Variants in SAMD12 observed in about 807,000 individuals in gnomAD.
SAMD12 encodes the protein sterile alpha motif domain containing 12, also known as sterile alpha motif domain-containing protein 12.
Under a neutral mutation model 15.0 loss-of-function variants are expected in SAMD12, and 9 were observed. The ratio of observed to expected loss-of-function variants is 0.60; its 90% CI spans 0.36 to 1.05. The LOEUF (loss-of-function observed/expected upper bound fraction) is 1.05, where lower values mean the gene tolerates loss of function less well. SAMD12 is among the 50% of genes least tolerant of loss of function. The pLI is 0.01. For missense variants in SAMD12, 230 were observed against 234.2 expected, an observed-to-expected ratio of 0.98 and a Z score of 0.12; for synonymous variants, 86 against 90.1, an observed-to-expected ratio of 0.96 and a Z score of 0.25.
At chr8:118,133,541 C>G in the SAMD12 span, among the ~76,000 whole-genome samples, 5 of 152,150 alleles carry the variant, frequency 3.3e-5, no homozygotes, top group African/African-American at 1.2e-4. Context: ...AGGCAACACT[C>G]TCTTCATATA....
At chr8:118,464,910 A>G (rs1448444474) in intron 2 of SAMD12, among the ~76,000 whole-genome samples, 1 of 152,206 alleles carries the variant, frequency 6.6e-6, no homozygotes, top group Non-Finnish European at 1.5e-5. Flanking sequence ...GACTGCAAAC[A>G]TAAATTAATA....
chr8:118,376,695 G>A (rs1819403756), downstream of SAMD12, among the ~76,000 whole-genome samples: 1 of 152,110 alleles, frequency 6.6e-6, no homozygotes, highest in Admixed American at 6.6e-5. Flanking sequence ...CCATCTCTAT[G>A]GATAAGAACT....
At position 118,486,150 on chromosome 8, in the gene SAMD12, C is replaced by T. The variant is rs140889710; in HGVS notation, c.193-46189G>A. ...AGAGAGTAGGCTGGGGGTGGTGGCT[C>T]ACACCTGTAATCCCAGCACTTTGGG... is the stretch of plus-strand genomic sequence containing the variant. On this transcript the variant is annotated intron_variant, in intron 2 of 3. Transcript: ENST00000314727. Among the ~76,000 whole-genome samples the T allele has an allele frequency of 7.3e-3, 1,105 of 152,260 alleles. 9 individuals are homozygous for T. The highest frequency in any genetic ancestry group is 0.02 in the Middle Eastern group (6 of 294).
chr8:118,173,046 C>A, the SAMD12 span, among the ~76,000 whole-genome samples: 1 of 152,126 alleles, frequency 6.6e-6, no homozygotes, highest in Non-Finnish European at 1.5e-5. Flanking sequence ...GTGCCAGTTC[C>A]TAGGAATAGG....
In SAMD12 at chr8:118,447,715, T is replaced by TTTATTTA. The variant is rs1325821485; in HGVS notation, c.193-7761_193-7755dup. Among the ~76,000 whole-genome samples the TTTATTTA allele has an allele frequency of 5.8e-4, 83 of 144,264 alleles. 1 individual carries two copies. The highest frequency in any genetic ancestry group is 3.7e-3 in the Middle Eastern group (1 of 272). The allele number at this position is 144,264 out of a possible 152,430, so 94.6% of individuals were successfully genotyped here. A position where few individuals can be genotyped will look rare whatever the true frequency, so the allele number is the denominator to read the frequency against. On this transcript the variant is annotated intron_variant, in intron 2 of 3. Coordinates refer to ENST00000314727, the MANE Select transcript of SAMD12 (RefSeq NM_207506.3). ...ATTTTTTATTTTTAATATTTATTTA[T>TTTATTTA]TTATTTATTTATTTATTTATTTATT...
At chr8:118,524,538 C>T (rs1825481433) in intron 2 of SAMD12, among the ~76,000 whole-genome samples, 1 of 152,038 alleles carries the variant, frequency 6.6e-6, no homozygotes, top group Non-Finnish European at 1.5e-5. Context: ...CTTTAAATAC[C>T]ATTCATATGC....
chr8:118,226,480 T>C lies in SAMD12; in HGVS notation c.434-28748A>G, dbSNP rs111992944. The stretch of plus-strand genomic sequence containing the variant: ...ATCCTCCTTTGATAGCAAGCTGGCT[T>C]CTCGTATATTTCTTTAACACTCACC... On this transcript the variant is annotated intron_variant, in intron 4 of 4. Transcript: ENST00000409003. 1.3e-3 allele frequency among the ~76,000 whole-genome samples: 194 copies of C among 152,300 alleles called. 1 individual carries two copies. Among genetic ancestry groups the C allele is most frequent in the African/African-American group, 4.5e-3 (187 of 41,566 alleles).
chr8:118,351,461 C>T (rs1423726558), intron 4 of SAMD12, among the ~76,000 whole-genome samples: 1 of 152,080 alleles, frequency 6.6e-6, no homozygotes. Context: ...CAAGGTCCTA[C>T]AGTAGGGAGT....
chr8:118,148,396 TAAG>T, the SAMD12 span, among the ~76,000 whole-genome samples: 1 of 152,228 alleles, frequency 6.6e-6, no homozygotes, highest in African/African-American at 2.4e-5. Context: ...TCAGAAATAT[TAAG>T]TAGTTATTAG....
intron 4 of SAMD12, among the ~76,000 whole-genome samples, chr8:118,310,341 T>G (rs1021380544): frequency 6.6e-6 from 1 of 152,252 alleles, no homozygotes; most frequent in East Asian, 1.9e-4. Flanking sequence ...CTGTCTCTAG[T>G]GTGCCTTATT....
chr8:118,485,063 C>G (rs1454778170), intron 2 of SAMD12, among the ~76,000 whole-genome samples: 1 of 152,148 alleles, frequency 6.6e-6, no homozygotes, highest in Admixed American at 6.5e-5. Flanking sequence ...CAGTCCCAAG[C>G]CCTGGCTTTT....
intron 3 of SAMD12, among the ~76,000 whole-genome samples, chr8:118,417,713 C>T (rs1203576229): frequency 6.6e-6 from 1 of 152,030 alleles, no homozygotes; most frequent in Non-Finnish European, 1.5e-5. Context: ...AGAACACATG[C>T]AATGGAAAGA....
chr8:118,379,194 G>A lies in SAMD12; in HGVS notation c.*223C>T. On this transcript the variant is annotated 3_prime_UTR_variant, in exon 4 of 4. Coordinates refer to ENST00000314727, the MANE Select transcript of SAMD12 (RefSeq NM_207506.3). ...GCGCAGGTGAAGATAGCTACAGCTG[G>A]ACTGTACAGTTGTGCAGGCTGCACA... The A allele has an allele frequency of 7.5e-7, 1 of 1,329,314 alleles. No individual in the cohort carries two copies. Among genetic ancestry groups the A allele is most frequent in the Non-Finnish European group, 9.6e-7 (1 of 1,039,342 alleles). 82.3% of individuals were successfully genotyped at this position (1,329,314 alleles called of 1,614,324 possible).
At chr8:118,522,754 AT>A (rs1374503788) in intron 2 of SAMD12, among the ~76,000 whole-genome samples, 1 of 152,190 alleles carries the variant, frequency 6.6e-6, no homozygotes, top group Non-Finnish European at 1.5e-5. Flanking sequence ...GCAGTTTTTA[AT>A]TTCTTTTTTC....
intron 2 of SAMD12, among the ~76,000 whole-genome samples, chr8:118,526,187 C>T (rs1047428157): frequency 1.3e-5 from 2 of 152,054 alleles, no homozygotes; most frequent in Non-Finnish European, 2.9e-5. Context: ...AGCTGCTGAA[C>T]AACAACATGA....
chr8:118,414,973 T>A (rs926287795), intron 3 of SAMD12, among the ~76,000 whole-genome samples: 1 of 152,204 alleles, frequency 6.6e-6, no homozygotes, highest in Non-Finnish European at 1.5e-5. Flanking sequence ...TTTCAAAAGA[T>A]TGTGATTAGT....
At chr8:118,300,306 T>C (rs962859581) in intron 4 of SAMD12, among the ~76,000 whole-genome samples, 1 of 152,162 alleles carries the variant, frequency 6.6e-6, no homozygotes, top group Non-Finnish European at 1.5e-5. Flanking sequence ...CTCTCCCTAT[T>C]CCTCCCTTCT....
chr8:118,243,469 T>A lies in SAMD12; in HGVS notation c.434-45737A>T, dbSNP rs557031672. 4.0e-4 allele frequency among the ~76,000 whole-genome samples: 60 copies of A among 151,766 alleles called. No individual in the cohort carries two copies. In the Middle Eastern group the frequency reaches 0.01, roughly 26 times the overall value. Reference sequence around the variant, plus strand: ...ATGCACTGTACCACTCCATTTTTTTTAAAAAAAACTATATACTCAGGTGCA... The same window carrying A: ...ATGCACTGTACCACTCCATTTTTTTAAAAAAAAACTATATACTCAGGTGCA... On this transcript the variant is annotated intron_variant, in intron 4 of 4. Transcript: ENST00000409003.
At chr8:118,426,569 T>G (rs1822241239) in intron 3 of SAMD12, among the ~76,000 whole-genome samples, 1 of 152,210 alleles carries the variant, frequency 6.6e-6, no homozygotes, top group African/African-American at 2.4e-5. Flanking sequence ...GCTCCCATAG[T>G]AAGAATATTC....
Sources: gnomAD v4.1 joint callset for allele counts (sites outside exome capture counted in the v4.1 genomes callset) on GRCh38, gnomAD v4.1.1 for gene constraint, MANE v1.5 for transcripts, NCBI Gene and HGNC (gene_info 2026-07-23, HGNC 2026-07-21) for gene names.